Variants in BTBD9 observed in about 807,000 individuals in gnomAD.
BTBD9 encodes BTB domain containing 9, also known as BTB/POZ domain-containing protein 9.
A neutral mutation model predicts 64.3 loss-of-function variants in BTBD9; 49 were observed. The observed-to-expected ratio is 0.76, with a 90% CI of 0.61 to 0.97. The LOEUF (loss-of-function observed/expected upper bound fraction) is 0.97. Among genes scored for constraint, BTBD9 ranks in the 50% least tolerant of loss-of-function variants. The probability of loss-of-function intolerance (pLI) is 0.00; values close to 1 mark genes in which losing one functional copy is unlikely to be tolerated. For synonymous variants in BTBD9, 260 were observed against 274.7 expected (o/e 0.95, Z 0.53); for missense variants, 598 against 762.1 (o/e 0.78, Z 2.53).
chr6:38,371,706 A>G (rs1765435585), intron 6 of BTBD9, among the ~76,000 whole-genome samples: 1 of 152,220 alleles, frequency 6.6e-6, no homozygotes, highest in Non-Finnish European at 1.5e-5. Flanking sequence ...TAATCTGCAC[A>G]CCAGCACATT....
chr6:38,503,953 T>C (rs895567143), intron 6 of BTBD9, among the ~76,000 whole-genome samples: 5 of 152,338 alleles, frequency 3.3e-5, no homozygotes, highest in South Asian at 2.1e-4. Context: ...ATTTGCTTTA[T>C]TGTCTCCATT....
intron 7 of BTBD9, among the ~76,000 whole-genome samples, chr6:38,312,199 A>ATGTCT (rs571184204): frequency 8.3e-4 from 126 of 151,976 alleles, no homozygotes; most frequent in African/African-American, 2.8e-3. Context: ...TTCCATTTCT[A>ATGTCT]TGTCTTCTCT....
rs533829158 is a variant in BTBD9 at position 38,328,717 on chromosome 6, G to A, written c.1264+16267C>T. On this transcript the variant is annotated intron_variant, in intron 7 of 10. Transcript: ENST00000481247. ...AATCTCAGCACTTTGGGAGGCCGAGGTGGGTGGATCCCGAGGTCACGAGAT... is the reference window on the plus strand; with the variant it reads ...AATCTCAGCACTTTGGGAGGCCGAGATGGGTGGATCCCGAGGTCACGAGAT... 2.0e-5 allele frequency among the ~76,000 whole-genome samples: 3 copies of A among 152,052 alleles called. No homozygotes were observed. In the South Asian group the frequency reaches 6.2e-4, roughly 32 times the overall value.
intron 6 of BTBD9, among the ~76,000 whole-genome samples, chr6:38,491,829 T>C (rs1771715309): frequency 6.6e-6 from 1 of 152,196 alleles, no homozygotes; most frequent in East Asian, 1.9e-4. Context: ...TTAAGAATCA[T>C]TAAAGTAATA....
chr6:38,371,775 A>G (rs1298681824), intron 6 of BTBD9, among the ~76,000 whole-genome samples: 2 of 152,214 alleles, frequency 1.3e-5, no homozygotes, highest in African/African-American at 2.4e-5. Context: ...AGTGAGTCCA[A>G]TAAGTATGGT....
intron 6 of BTBD9, among the ~76,000 whole-genome samples, chr6:38,556,843 C>T (rs2127453078): frequency 1.3e-5 from 2 of 150,336 alleles, no homozygotes; most frequent in South Asian, 4.2e-4. Context: ...ATGGTGAAAA[C>T]CCGTCTCTAC....
intron 6 of BTBD9, among the ~76,000 whole-genome samples, chr6:38,500,302 T>C (rs561571054): frequency 6.6e-6 from 1 of 152,160 alleles, no homozygotes; most frequent in African/African-American, 2.4e-5. Context: ...CTGAAATTAA[T>C]TGAATTTAGC....
At chr6:38,466,998 T>C (rs1770426929) in intron 6 of BTBD9, among the ~76,000 whole-genome samples, 2 of 152,196 alleles carry the variant, frequency 1.3e-5, no homozygotes, top group East Asian at 1.9e-4. Flanking sequence ...AGTCTATGCA[T>C]AACCAAACAT....
At chr6:38,381,743 T>C (rs1158762905) in intron 6 of BTBD9, among the ~76,000 whole-genome samples, 1 of 152,110 alleles carries the variant, frequency 6.6e-6, no homozygotes, top group Non-Finnish European at 1.5e-5. Context: ...CTTTCTCTAA[T>C]CACAATCAAT....
chr6:38,222,406 G>A (rs533487298), intron 9 of BTBD9, among the ~76,000 whole-genome samples: 74 of 151,546 alleles, frequency 4.9e-4, no homozygotes, highest in Admixed American at 4.6e-3. Context: ...GACTACAGGT[G>A]CCCGCCACCA....
intron 9 of BTBD9, among the ~76,000 whole-genome samples, chr6:38,202,133 G>A (rs548243534): frequency 1.2e-3 from 176 of 143,752 alleles, no homozygotes; most frequent in Non-Finnish European, 2.2e-3. Flanking sequence ...TTGCCAGGCT[G>A]GAGTGCAGTG....
intron 6 of BTBD9, among the ~76,000 whole-genome samples, chr6:38,560,608 T>C (rs1300841481): frequency 1.3e-5 from 2 of 152,170 alleles, no homozygotes; most frequent in East Asian, 3.8e-4. Context: ...GGTTCAGGGA[T>C]ACATGTGCAG....
chr6:38,423,799 T>C (rs1289402890), intron 6 of BTBD9, among the ~76,000 whole-genome samples: 1 of 151,982 alleles, frequency 6.6e-6, no homozygotes, highest in Non-Finnish European at 1.5e-5. Context: ...GTAAGGCAGA[T>C]ACAATGCATT....
At chr6:38,374,323 A>ATATATATATATATATATG (rs1562095919) in intron 6 of BTBD9, among the ~76,000 whole-genome samples, 5 of 121,822 alleles carry the variant, frequency 4.1e-5, no homozygotes, top group African/African-American at 1.7e-4. Context: ...ATATATATAT[A>ATATATATATATATATATG]TATGTATATA....
chr6:38,227,952 G>A (rs1179957375), intron 9 of BTBD9, among the ~76,000 whole-genome samples: 1 of 152,202 alleles, frequency 6.6e-6, no homozygotes, highest in Admixed American at 6.5e-5. Flanking sequence ...GTTGCCAGAG[G>A]TTGGTACTGG....
intron 1 of BTBD9, among the ~76,000 whole-genome samples, chr6:38,623,434 C>G (rs1229843192): frequency 6.6e-6 from 1 of 152,138 alleles, no homozygotes; most frequent in African/African-American, 2.4e-5. Context: ...ATTTTTCAGA[C>G]AGTTTGCAAA....
chr6:38,451,142 C>T (rs757525317), intron 6 of BTBD9, among the ~76,000 whole-genome samples: 4 of 152,138 alleles, frequency 2.6e-5, no homozygotes, highest in Admixed American at 6.5e-5. Flanking sequence ...TGTACCACAC[C>T]AACGGAACTT....
chr6:38,181,793 G>A (rs1009624831), intron 10 of BTBD9, among the ~76,000 whole-genome samples: 1 of 152,130 alleles, frequency 6.6e-6, no homozygotes, highest in African/African-American at 2.4e-5. Flanking sequence ...TTCGAGACCA[G>A]CCCGGCCGAC....
intron 9 of BTBD9, among the ~76,000 whole-genome samples, chr6:38,228,350 CCA>C (rs1491542439): frequency 2.0e-5 from 1 of 51,092 alleles, no homozygotes; most frequent in Non-Finnish European, 4.6e-5. Flanking sequence ...GTCCCCCCCC[CCA>C]AAAAAAAAAA....
Sources: gnomAD v4.1 joint callset for allele counts (sites outside exome capture counted in the v4.1 genomes callset) on GRCh38, gnomAD v4.1.1 for gene constraint, MANE v1.5 for transcripts, NCBI Gene and HGNC (gene_info 2026-07-23, HGNC 2026-07-21) for gene names.